Variants in ZNF224 observed in about 807,000 individuals in gnomAD.
The protein encoded by ZNF224 is zinc finger protein 224, also known as bone marrow zinc finger 2.
A neutral mutation model predicts 10.5 loss-of-function variants in ZNF224; 8 were observed. The observed-to-expected ratio is 0.76, with a 90% CI of 0.45 to 1.37. ZNF224 has a LOEUF of 1.37. Ranked by LOEUF, ZNF224 falls within the 40% of genes most tolerant of loss-of-function variation. ZNF224 has a pLI of 0.00. For missense variants in ZNF224, 754 were observed against 854.0 expected (o/e 0.88, Z 1.46); for synonymous variants, 282 against 287.8 (o/e 0.98, Z 0.20).
At chr19:44,103,642 G>A (rs144351503) in intron 5 of ZNF224, among the ~76,000 whole-genome samples, 10 of 152,108 alleles carry the variant, frequency 6.6e-5, no homozygotes, top group Non-Finnish European at 1.3e-4. Context: ...TTGGAAATAA[G>A]TATAAAGGAG....
chr19:44,098,664 G>A (rs1967489493), intron 3 of ZNF224, among the ~76,000 whole-genome samples: 2 of 152,004 alleles, frequency 1.3e-5, no homozygotes, highest in South Asian at 4.2e-4. Context: ...GCTCACTGCA[G>A]CCTCTGCCTC....
chr19:44,097,455 A>G (rs1967461340), intron 2 of ZNF224, among the ~76,000 whole-genome samples: 1 of 152,210 alleles, frequency 6.6e-6, no homozygotes, highest in South Asian at 2.1e-4. Flanking sequence ...AGTTTTCTCT[A>G]TGCATTTTCC....
intron 3 of ZNF224, among the ~76,000 whole-genome samples, chr19:44,100,544 G>A: frequency 6.6e-6 from 1 of 152,060 alleles, no homozygotes; most frequent in East Asian, 1.9e-4. Flanking sequence ...AGTCCTAGAG[G>A]GTTACTTACA....
chr19:44,108,141 T>C lies in ZNF224; in HGVS notation c.1981T>C (p.Tyr661His). ...PYKCEDCGKG[Y>H]NRRLNLDMHQ... ...CAAATGTGAGGACTGTGGGAAGGGC[T>C]ACAACAGGCGCTTGAATCTTGATAT... The change falls in exon 6 of 6, where the codon TAC becomes CAC. Residue 661 changes from tyrosine to histidine, a missense_variant. Tyr to His is a moderately conservative substitution (Grantham distance 83, BLOSUM62 2). Coordinates refer to ENST00000693561, the MANE Select transcript of ZNF224 (RefSeq NM_001321645.3). 1 of 1,614,252 alleles carries C rather than the reference T, an allele frequency of 6.2e-7. No homozygotes were observed. Among genetic ancestry groups the C allele is most frequent in the Non-Finnish European group, 8.5e-7 (1 of 1,180,046 alleles).
At chr19:44,104,271 T>C (rs1480202721) in intron 5 of ZNF224, among the ~76,000 whole-genome samples, 1 of 152,158 alleles carries the variant, frequency 6.6e-6, no homozygotes, top group Non-Finnish European at 1.5e-5. Context: ...TGTAGGAATA[T>C]TATGAATATG....
rs180937671 is a variant in ZNF224 at position 44,100,755 on chromosome 19, G to A, written c.16-46G>A. 5.4e-5 allele frequency: 86 copies of A among 1,596,270 alleles called. No individual in the cohort carries two copies. In the East Asian group the frequency reaches 1.7e-3, roughly 31 times the overall value. ...CTGCTCAGTGCCACCCCTCTCCCAG[G>A]AATCATTGGTCATGAGACTGAGATT... On this transcript the variant is annotated intron_variant, in intron 3 of 5. Coordinates refer to ENST00000693561, the MANE Select transcript of ZNF224 (RefSeq NM_001321645.3).
At chr19:44,101,515 C>T (rs1051800182) in intron 5 of ZNF224, among the ~76,000 whole-genome samples, 1 of 152,132 alleles carries the variant, frequency 6.6e-6, no homozygotes, top group African/African-American at 2.4e-5. Context: ...TTTAGAGACC[C>T]TGTGATCTGC....
intron 5 of ZNF224, among the ~76,000 whole-genome samples, chr19:44,104,249 G>A (rs1377382363): frequency 6.6e-6 from 1 of 152,136 alleles, no homozygotes; most frequent in East Asian, 1.9e-4. Flanking sequence ...TACATGTTAT[G>A]CCAAATTCTT....
chr19:44,100,148 CAT>C (rs1485755073), intron 3 of ZNF224, among the ~76,000 whole-genome samples: 1 of 152,170 alleles, frequency 6.6e-6, no homozygotes, highest in Non-Finnish European at 1.5e-5. Context: ...AAAACTATAT[CAT>C]GTGACGATCA....
Position 44,108,930 on chromosome 19 carries a change from A to T in ZNF224, c.*646A>T. 4.4e-6 allele frequency: 1 copy of T among 227,278 alleles called. No individual in the cohort carries two copies. The highest frequency in any genetic ancestry group is 9.3e-6 in the Non-Finnish European group (1 of 108,094). 14.1% of individuals were successfully genotyped at this position (227,278 alleles called of 1,614,324 possible). ...TGCATATTATTATTTTTTCTTTTAA[A>T]TTTTTTTCTTGATCAGATTTATCAT... is the stretch of plus-strand genomic sequence containing the variant. On this transcript the variant is annotated 3_prime_UTR_variant, in exon 6 of 6. Coordinates refer to ENST00000693561, the MANE Select transcript of ZNF224 (RefSeq NM_001321645.3).
chr19:44,107,076 C>G lies in ZNF224; in HGVS notation c.916C>G (p.His306Asp). The change falls in exon 6 of 6, where the codon CAT becomes GAT. Residue 306 changes from histidine to aspartate, a missense_variant. His to Asp is a moderately conservative substitution (Grantham distance 81). Coordinates refer to ENST00000693561, the MANE Select transcript of ZNF224 (RefSeq NM_001321645.3). ...CTGTGGTAGATCAAGACTTAATAGGCATTCCATGGTTCACACGGCAGAGAA... is the reference window on the plus strand; with the variant it reads ...CTGTGGTAGATCAAGACTTAATAGGGATTCCATGGTTCACACGGCAGAGAA... ...SFCGRSRLNR[H>D]SMVHTAEKPF... is the part of the protein sequence containing the mutation. The G allele has an allele frequency of 3.1e-6, 5 of 1,600,978 alleles. No homozygotes were observed. The highest frequency in any genetic ancestry group is 4.3e-6 in the Non-Finnish European group (5 of 1,172,908).
rs773298949 is a variant in ZNF224 at position 44,100,925 on chromosome 19, T to C, written c.140T>C (p.Val47Ala). 1.2e-6 allele frequency: 2 copies of C among 1,613,918 alleles called. No individual in the cohort carries two copies. The highest frequency in any genetic ancestry group is 2.2e-5 in the South Asian group (2 of 91,064). The stretch of plus-strand genomic sequence containing the variant: ...GAGAACTTCAGGAACCTGCTCTCAG[T>C]GGGTGAGGACAGGCACCCTCTGTAA... ...MLENFRNLLS[V>A]GHQAFHRDTF... Residue 47 changes from valine to alanine, a missense_variant and splice_region_variant, in exon 4 of 6, where the codon GTG becomes GCG. Transcript: ENST00000693561.
rs1179788156 is a variant in ZNF224 at position 44,106,413 on chromosome 19, G to C, written c.253G>C (p.Glu85Gln). Residue 85 changes from glutamate (E) to glutamine (Q), a missense_variant, in exon 6 of 6, where the codon GAG (glutamate) becomes CAG (glutamine). Transcript: ENST00000693561. ...EGNSGDKIQT[E>Q]METVSEAGTH... Reference sequence around the variant, plus strand: ...TCTGATAGGAGACAAGATCCAAACTGAGATGGAGACTGTTTCAGAAGCAGG... The same window carrying C: ...TCTGATAGGAGACAAGATCCAAACTCAGATGGAGACTGTTTCAGAAGCAGG... 1.2e-6 allele frequency: 2 copies of C among 1,614,128 alleles called. No individual in the cohort carries two copies. The highest frequency in any genetic ancestry group is 2.2e-5 in the South Asian group (2 of 91,078).
In ZNF224 at chr19:44,094,422, G is replaced by C. The variant is rs1198163809; in HGVS notation, c.-266G>C. 6.6e-6 allele frequency: 1 copy of C among 152,228 alleles called. No individual in the cohort carries two copies. The highest frequency in any genetic ancestry group is 2.4e-5 in the African/African-American group (1 of 41,430). The allele number at this position is 152,228 out of a possible 1,614,324, so 9.4% of individuals were successfully genotyped here. A position where few individuals can be genotyped will look rare whatever the true frequency, so the allele number is the denominator to read the frequency against. On this transcript the variant is annotated 5_prime_UTR_variant, in exon 1 of 6. Coordinates refer to ENST00000693561, the MANE Select transcript of ZNF224 (RefSeq NM_001321645.3). ...CTGCAGTTTTTCCGCGATAGTTTGG[G>C]GCAGTTCCGCGCGTTGCAGGCCCTT...
chr19:44,100,140 A>G (rs1420796446), intron 3 of ZNF224, among the ~76,000 whole-genome samples: 1 of 152,212 alleles, frequency 6.6e-6, no homozygotes, highest in Non-Finnish European at 1.5e-5. Context: ...TTAATTTGAA[A>G]ACTATATCAT....
intron 3 of ZNF224, among the ~76,000 whole-genome samples, chr19:44,099,624 A>G (rs1019599577): frequency 1.3e-5 from 2 of 152,122 alleles, no homozygotes; most frequent in African/African-American, 4.8e-5. Context: ...AGGCTTAGGA[A>G]GGAGGATTGT....
In ZNF224 at chr19:44,108,358, GAC is replaced by G; in HGVS notation, c.*78_*79del. 6.9e-7 allele frequency: 1 copy of G among 1,453,132 alleles called. No homozygotes were observed. The highest frequency in any genetic ancestry group is 9.2e-7 in the Non-Finnish European group (1 of 1,082,480). The allele number at this position is 1,453,132 out of a possible 1,614,324, so 90.0% of individuals were successfully genotyped here. ...CTCATCTGAAAGTTCACAAAGGAGA[GAC>G]ACATTAAAATATGAGGCACATAGTA... On this transcript the variant is annotated 3_prime_UTR_variant, in exon 6 of 6. Transcript: ENST00000693561.
rs148603130 is a variant in ZNF224 at position 44,106,925 on chromosome 19, A to G, written c.765A>G (p.Thr255=). The part of the protein sequence containing the change: ...SALNVHHKLH[T]GEKPYNCEEC... ...TTAATGTTCATCATAAATTACACACAGGAGAGAAACCTTATAATTGTGAGG... is the reference window on the plus strand; with the variant it reads ...TTAATGTTCATCATAAATTACACACGGGAGAGAAACCTTATAATTGTGAGG... Residue 255 remains threonine, a synonymous_variant, in exon 6 of 6, where the codon ACA becomes ACG. Transcript: ENST00000693561. 1.9e-5 allele frequency: 31 copies of G among 1,608,360 alleles called. No individual in the cohort carries two copies. The African/African-American group carries it at 3.6e-4, about 19-fold the overall frequency.
Position 44,108,238 on chromosome 19 carries a change from C to T in ZNF224, c.2078C>T (p.Ser693Leu). 1 of 1,613,698 alleles carries T rather than the reference C, an allele frequency of 6.2e-7. No individual in the cohort carries two copies. The highest frequency in any genetic ancestry group is 8.5e-7 in the Non-Finnish European group (1 of 1,179,826). The change falls in exon 6 of 6, where the codon TCA (serine) becomes TTA (leucine). Residue 693 changes from serine (S) to leucine (L), a missense_variant. By Grantham distance (145) the Ser-to-Leu change is moderately radical. Transcript: ENST00000693561. ...TGTGATATGTGCTTTAGTCAGGCCTCAAGCCTTCGACTTCATCAGAATGTT... is the reference window on the plus strand; with the variant it reads ...TGTGATATGTGCTTTAGTCAGGCCTTAAGCCTTCGACTTCATCAGAATGTT... Reference protein sequence around the residue: ...RECDMCFSQASSLRLHQNVHV... With the variant: ...RECDMCFSQALSLRLHQNVHV...
Sources: gnomAD v4.1 joint callset for allele counts (sites outside exome capture counted in the v4.1 genomes callset) on GRCh38, gnomAD v4.1.1 for gene constraint, MANE v1.5 for transcripts, NCBI Gene and HGNC (gene_info 2026-07-23, HGNC 2026-07-21) for gene names.